Variants in PRKAG2 observed in about 807,000 individuals in gnomAD.
PRKAG2 encodes the protein protein kinase AMP-activated non-catalytic subunit gamma 2.
A neutral mutation model predicts 69.6 loss-of-function variants in PRKAG2; 26 were observed. The observed-to-expected ratio is 0.37, with a 90% CI of 0.27 to 0.52. The LOEUF is 0.52. Ranked by LOEUF, PRKAG2 falls within the 20% of genes least tolerant of loss-of-function variation. The pLI is 0.90. For synonymous variants in PRKAG2, 293 were observed against 285.0 expected (o/e 1.03, Z -0.28); for missense variants, 557 against 740.0 (o/e 0.75, Z 2.87).
chr7:151,630,875 A>G (rs1824244214), intron 5 of PRKAG2, among the ~76,000 whole-genome samples: 1 of 152,228 alleles, frequency 6.6e-6, no homozygotes, highest in Non-Finnish European at 1.5e-5. Context: ...AAGTCCGGTA[A>G]AATTCTGAAA....
chr7:151,557,181 G>C lies in PRKAG2; in HGVS notation c.*20C>G. 1 of 1,614,078 alleles carries C rather than the reference G, an allele frequency of 6.2e-7. No homozygotes were observed. Among genetic ancestry groups the C allele is most frequent in the Non-Finnish European group, 8.5e-7 (1 of 1,180,006 alleles). Reference sequence around the variant, plus strand: ...GACTTTGTTCAAGTTCTCCTCCTAGGGCGTCTACATTCACGGCGGTCACTC... The same window carrying C: ...GACTTTGTTCAAGTTCTCCTCCTAGCGCGTCTACATTCACGGCGGTCACTC... On this transcript the variant is annotated 3_prime_UTR_variant, in exon 16 of 16. Transcript: ENST00000287878.
chr7:151,568,159 G>A (rs1192853532), intron 11 of PRKAG2, among the ~76,000 whole-genome samples: 6 of 152,136 alleles, frequency 3.9e-5, no homozygotes, highest in South Asian at 4.1e-4. Context: ...GGATGACTAC[G>A]GAGCCAGGTC....
At chr7:151,586,838 T>C (rs1369251787) in intron 6 of PRKAG2, among the ~76,000 whole-genome samples, 1 of 152,222 alleles carries the variant, frequency 6.6e-6, no homozygotes, top group African/African-American at 2.4e-5. Context: ...AAACTAGGAT[T>C]GTCCTGGGCA....
chr7:151,754,497 C>T (rs779422857), intron 3 of PRKAG2, among the ~76,000 whole-genome samples: 4 of 134,228 alleles, frequency 3.0e-5, no homozygotes, highest in African/African-American at 1.3e-4. Flanking sequence ...CCAGGGTGCC[C>T]GCGTTGGCTG....
chr7:151,692,965 G>A lies in PRKAG2; in HGVS notation c.467-17328C>T, dbSNP rs1392211094. ...ACAACTCCCTCCCCTCCTGGAGACA[G>A]CTGTGCTCACACAGCCTGTACCCTG... On this transcript the variant is annotated intron_variant, in intron 3 of 15. Transcript: ENST00000287878. 3.9e-5 allele frequency among the ~76,000 whole-genome samples: 6 copies of A among 152,166 alleles called. No homozygotes were observed. The East Asian group carries it at 9.6e-4, about 24-fold the overall frequency.
At chr7:151,862,567 C>T (rs1002253889) in intron 1 of PRKAG2, among the ~76,000 whole-genome samples, 2 of 152,120 alleles carry the variant, frequency 1.3e-5, no homozygotes, top group Admixed American at 1.3e-4. Flanking sequence ...ACATTCAGGT[C>T]GGCTGTGTGA....
rs1177908942 is a variant in PRKAG2 at position 151,632,305 on chromosome 7, G to A, written c.685-167C>T. On this transcript the variant is annotated intron_variant, in intron 4 of 15. Transcript: ENST00000287878. The surrounding 1 kb of genome is among the most constrained non-coding windows in gnomAD (Gnocchi z 4.2). ...GGGCCGGGGGCGGAGCGGGAGCGCTGCCCCCACCCGCCCGAGGCCGCCGCC... is the reference window on the plus strand; with the variant it reads ...GGGCCGGGGGCGGAGCGGGAGCGCTACCCCCACCCGCCCGAGGCCGCCGCC... The A allele has an allele frequency of 1.1e-6, 1 of 895,928 alleles. No individual in the cohort carries two copies. Among genetic ancestry groups the A allele is most frequent in the Non-Finnish European group, 1.3e-6 (1 of 750,842 alleles). 55.5% of individuals were successfully genotyped at this position (895,928 alleles called of 1,614,324 possible).
chr7:151,817,992 C>A (rs1267899818), intron 1 of PRKAG2, among the ~76,000 whole-genome samples: 3 of 152,152 alleles, frequency 2.0e-5, no homozygotes, highest in Non-Finnish European at 4.4e-5. Flanking sequence ...TCACACACCA[C>A]AAGTTGAGAG....
intron 5 of PRKAG2, among the ~76,000 whole-genome samples, chr7:151,623,693 G>T (rs1822111961): frequency 6.6e-6 from 1 of 152,152 alleles, no homozygotes. Flanking sequence ...AAAGCTTTAA[G>T]AAACTTACTA....
At chr7:151,762,372 T>C (rs1394170555) in intron 3 of PRKAG2, among the ~76,000 whole-genome samples, 1 of 152,000 alleles carries the variant, frequency 6.6e-6, no homozygotes. Flanking sequence ...CTCACACACA[T>C]ATGTTAATTC....
intron 1 of PRKAG2, chr7:151,810,276 C>T (rs1220382593): frequency 6.6e-6 from 1 of 152,174 alleles, no homozygotes; most frequent in Non-Finnish European, 1.5e-5. Flanking sequence ...AAAGCAAGAA[C>T]GTCTTCATCT....
intron 5 of PRKAG2, among the ~76,000 whole-genome samples, chr7:151,620,811 T>A (rs1821318875): frequency 6.6e-6 from 1 of 151,760 alleles, no homozygotes; most frequent in Non-Finnish European, 1.5e-5. Flanking sequence ...TTTTTTTAAT[T>A]AAAAAAATTA....
rs73479899 is a variant in PRKAG2, at chr7:151,641,215, T to G, written c.685-9077A>C. 6.7e-4 allele frequency among the ~76,000 whole-genome samples: 101 copies of G among 151,652 alleles called. 1 individual carries two copies. In the Middle Eastern group the frequency reaches 0.024, roughly 36 times the overall value. On this transcript the variant is annotated intron_variant, in intron 4 of 15. Transcript: ENST00000287878. Reference sequence around the variant, plus strand: ...GCCAGCTCTTGCCACCACCCTACAATTTCAGCTTTTTTGTTCCCTTCTTTT... The same window carrying G: ...GCCAGCTCTTGCCACCACCCTACAAGTTCAGCTTTTTTGTTCCCTTCTTTT...
chr7:151,710,868 C>T (rs936359603), intron 3 of PRKAG2, among the ~76,000 whole-genome samples: 3 of 152,226 alleles, frequency 2.0e-5, no homozygotes, highest in African/African-American at 4.8e-5. Context: ...ACAGAGCACT[C>T]ATAGTGGTAG....
intron 3 of PRKAG2, among the ~76,000 whole-genome samples, chr7:151,774,151 T>C (rs977355472): frequency 6.6e-6 from 1 of 152,160 alleles, no homozygotes; most frequent in Non-Finnish European, 1.5e-5. Context: ...CCATGGTGGC[T>C]AGGAGTATGA....
At chr7:151,735,792 G>A (rs1170861020) in intron 3 of PRKAG2, 1 of 1,410,016 alleles carries the variant, frequency 7.1e-7, no homozygotes, top group African/African-American at 1.4e-5. Flanking sequence ...ATCCCAGTTG[G>A]AAGAGAGTGG....
intron 1 of PRKAG2, among the ~76,000 whole-genome samples, chr7:151,825,041 G>C (rs949695388): frequency 8.7e-6 from 1 of 115,326 alleles, no homozygotes; most frequent in Non-Finnish European, 1.8e-5. Flanking sequence ...GTGAAACCCC[G>C]TCTCTACTAA....
At chr7:151,774,168 C>T (rs1457842872) in intron 3 of PRKAG2, among the ~76,000 whole-genome samples, 12 of 152,116 alleles carry the variant, frequency 7.9e-5, no homozygotes, top group East Asian at 3.8e-4. Context: ...ATGATGAGAA[C>T]GCCAGCCACA....
At chr7:151,744,905 C>G (rs1331402764) in intron 3 of PRKAG2, among the ~76,000 whole-genome samples, 59 of 152,242 alleles carry the variant, frequency 3.9e-4, no homozygotes, top group Non-Finnish European at 1.0e-4. Flanking sequence ...CTACATTCTT[C>G]TCAACCATGC....
Sources: allele counts gnomAD v4.1 joint callset (sites outside exome capture counted in the v4.1 genomes callset), GRCh38; gene constraint gnomAD v4.1.1; non-coding constraint Gnocchi (gnomAD v3.1); transcripts MANE v1.5; gene names NCBI Gene and HGNC (gene_info 2026-07-23, HGNC 2026-07-21).